ELMO1: variants seen among roughly 807,000 people sequenced by gnomAD.
ELMO1 encodes the protein engulfment and cell motility protein 1.
In ELMO1, 26 loss-of-function variants were observed where a neutral mutation model predicts 98.9. The observed-to-expected ratio is 0.26, with a 90% CI of 0.19 to 0.36. ELMO1 has a LOEUF of 0.36. Ranked by LOEUF, ELMO1 falls within the 10% of genes least tolerant of loss-of-function variation. The probability of loss-of-function intolerance (pLI) is 1.00; values close to 1 mark genes in which losing one functional copy is unlikely to be tolerated. For synonymous variants in ELMO1, 346 were observed against 346.0 expected, an observed-to-expected ratio of 1.00 and a Z score of 0.00; for missense variants, 627 against 935.2, an observed-to-expected ratio of 0.67 and a Z score of 4.30.
intron 15 of ELMO1, among the ~76,000 whole-genome samples, chr7:37,087,687 T>C (rs1007728617): frequency 6.6e-6 from 1 of 152,230 alleles, no homozygotes; most frequent in African/African-American, 2.4e-5. Flanking sequence ...CAAAGGCTTT[T>C]GTAACATGTA....
intron 15 of ELMO1, among the ~76,000 whole-genome samples, chr7:37,025,895 T>TTCTTTCTATCTATCTA: frequency 7.0e-6 from 1 of 142,960 alleles, no homozygotes; most frequent in South Asian, 2.3e-4. Flanking sequence ...ATATTATATA[T>TTCTTTCTATCTATCTA]TCTATCTATC....
chr7:37,087,181 C>G (rs766695705), intron 15 of ELMO1, among the ~76,000 whole-genome samples: 9 of 152,130 alleles, frequency 5.9e-5, no homozygotes, highest in Admixed American at 3.9e-4. Context: ...CACTATCTAG[C>G]TACTCTTCTA....
chr7:36,936,784 GT>G (rs1220061867), intron 16 of ELMO1, among the ~76,000 whole-genome samples: 1 of 152,018 alleles, frequency 6.6e-6, no homozygotes, highest in Admixed American at 6.6e-5. Context: ...TTAATGTTTG[GT>G]TTTCTGTTGC....
chr7:37,335,842 G>A (rs539449088), intron 2 of ELMO1, among the ~76,000 whole-genome samples: 1 of 152,336 alleles, frequency 6.6e-6, no homozygotes, highest in Admixed American at 6.5e-5. Context: ...CTCGCCTGAT[G>A]AGATGGCCCG....
chr7:37,320,768 C>A (rs1217709268), intron 2 of ELMO1, among the ~76,000 whole-genome samples: 1 of 152,108 alleles, frequency 6.6e-6, no homozygotes, highest in Non-Finnish European at 1.5e-5. Flanking sequence ...AGACTCAATA[C>A]ACCTCTGCTA....
intron 16 of ELMO1, among the ~76,000 whole-genome samples, chr7:36,906,780 A>C (rs192228242): frequency 0.024 from 3,599 of 148,472 alleles, 138 homozygotes; most frequent in African/African-American, 0.083. Context: ...AAGACCTCCC[A>C]AAAAAAAAAG....
At chr7:37,293,199 C>G (rs1469795282) in intron 4 of ELMO1, among the ~76,000 whole-genome samples, 1 of 118,446 alleles carries the variant, frequency 8.4e-6, no homozygotes, top group South Asian at 2.9e-4. Context: ...TGCCCGGCCA[C>G]CACCCCGTCT....
At chr7:37,189,460 T>C (rs911202738) in intron 13 of ELMO1, among the ~76,000 whole-genome samples, 8 of 152,140 alleles carry the variant, frequency 5.3e-5, no homozygotes, top group African/African-American at 1.9e-4. Context: ...TGAGTGTATA[T>C]AACATATGCT....
At chr7:37,266,697 C>T (rs532206723) in intron 5 of ELMO1, among the ~76,000 whole-genome samples, 1 of 152,078 alleles carries the variant, frequency 6.6e-6, no homozygotes, top group East Asian at 1.9e-4. Flanking sequence ...AAAAATAATA[C>T]CAGCACATGA....
chr7:37,089,421 T>C (rs974137758), intron 15 of ELMO1, among the ~76,000 whole-genome samples: 11 of 152,146 alleles, frequency 7.2e-5, no homozygotes, highest in African/African-American at 2.2e-4. Flanking sequence ...AACAGGTGAA[T>C]TTGGCAAAAC....
chr7:36,905,103 G>A (rs959743026), intron 16 of ELMO1, among the ~76,000 whole-genome samples: 5 of 152,146 alleles, frequency 3.3e-5, no homozygotes, highest in African/African-American at 7.2e-5. Flanking sequence ...ACACGGTGGG[G>A]GAAAAGCAGA....
At chr7:37,093,556 G>A (rs1784228945) in intron 15 of ELMO1, among the ~76,000 whole-genome samples, 1 of 152,194 alleles carries the variant, frequency 6.6e-6, no homozygotes, top group African/African-American at 2.4e-5. Context: ...ATAGATTTGT[G>A]TGTAAATCTA....
chr7:37,380,338 G>A (rs1191733353), intron 1 of ELMO1, among the ~76,000 whole-genome samples: 5 of 152,194 alleles, frequency 3.3e-5, no homozygotes, highest in Non-Finnish European at 5.9e-5. Context: ...AAGAGCACAT[G>A]TTGGTTTTGT....
At chr7:37,255,814 G>A (rs1006944936) in intron 6 of ELMO1, among the ~76,000 whole-genome samples, 3 of 113,262 alleles carry the variant, frequency 2.6e-5, no homozygotes, top group Admixed American at 8.9e-5. Flanking sequence ...AATAAACAGG[G>A]GTAAACATTT....
At chr7:37,254,703 A>C (rs1795545631) in intron 6 of ELMO1, among the ~76,000 whole-genome samples, 1 of 152,232 alleles carries the variant, frequency 6.6e-6, no homozygotes, top group Non-Finnish European at 1.5e-5. Flanking sequence ...GCTCCATCAT[A>C]ATCTCATGAG....
chr7:37,136,495 C>G (rs373179439), intron 13 of ELMO1, among the ~76,000 whole-genome samples: 157 of 152,224 alleles, frequency 1.0e-3, no homozygotes, highest in African/African-American at 3.7e-3. Flanking sequence ...TAACCTATAA[C>G]GGAAAACCTA....
intron 20 of ELMO1, among the ~76,000 whole-genome samples, chr7:36,863,760 T>C (rs937193875): frequency 1.6e-4 from 25 of 152,232 alleles, no homozygotes; most frequent in Middle Eastern, 3.4e-3. Flanking sequence ...GAAAGAAATA[T>C]GGGAAATGAA....
chr7:37,429,940 G>A (rs1804863398), intron 1 of ELMO1, among the ~76,000 whole-genome samples: 1 of 152,310 alleles, frequency 6.6e-6, no homozygotes, highest in East Asian at 1.9e-4. Flanking sequence ...TTCTAGTGAT[G>A]AGATCCCAGA....
intron 2 of ELMO1, among the ~76,000 whole-genome samples, chr7:37,320,619 T>G (rs939787161): frequency 5.3e-5 from 8 of 152,158 alleles, no homozygotes; most frequent in African/African-American, 1.9e-4. Flanking sequence ...CACATTAAAT[T>G]AATAACTTCT....
Sources: gnomAD v4.1 joint callset for allele counts (sites outside exome capture counted in the v4.1 genomes callset) on GRCh38, gnomAD v4.1.1 for gene constraint, MANE v1.5 for transcripts, NCBI Gene and HGNC (gene_info 2026-07-23, HGNC 2026-07-21) for gene names.